Variants in CACNA1A observed in about 807,000 individuals in gnomAD.
CACNA1A encodes the protein calcium voltage-gated channel subunit alpha1 A.
CACNA1A carries 57 observed loss-of-function variants against 262.4 expected under a neutral mutation model. That is an observed-to-expected ratio of 0.22 (90% CI 0.18 to 0.27). The LOEUF is 0.27. Among genes scored for constraint, CACNA1A ranks in the 10% least tolerant of loss-of-function variants. The pLI is 1.00. For synonymous variants in CACNA1A, 1,431 were observed against 1,419.3 expected (o/e 1.01, Z -0.18); for missense variants, 2,526 against 3,562.8 (o/e 0.71, Z 7.41).
chr19:13,299,446 A>G, intron 18 of CACNA1A, 93 bp from the exon 19 acceptor site: 1 of 1,006,502 alleles, frequency 9.9e-7, no homozygotes, highest in Non-Finnish European at 1.5e-6. Context: ...TCAGCCTCCC[A>G]CTCCTGCTCT....
chr19:13,230,278 G>A, intron 35 of CACNA1A, 69 bp from the exon 36 acceptor site: 2 of 1,560,464 alleles, frequency 1.3e-6, no homozygotes, highest in Non-Finnish European at 1.8e-6. Flanking sequence ...TGAGTGAGAA[G>A]GATACAGACA....
At chr19:13,440,913 C>T (rs148884520) in intron 3 of CACNA1A, among the ~76,000 whole-genome samples, 4 of 152,336 alleles carry the variant, frequency 2.6e-5, no homozygotes, top group Admixed American at 1.3e-4. Flanking sequence ...TCAAGTGATT[C>T]TCCCACCTCA....
At chr19:13,410,133 A>G (rs1183220925) in intron 3 of CACNA1A, among the ~76,000 whole-genome samples, 2 of 152,028 alleles carry the variant, frequency 1.3e-5, no homozygotes, top group African/African-American at 4.8e-5. Context: ...TCGTCCACCA[A>G]GAGATGTCCT....
At chr19:13,394,719 C>T (rs963800182) in intron 3 of CACNA1A, among the ~76,000 whole-genome samples, 5 of 152,154 alleles carry the variant, frequency 3.3e-5, no homozygotes, top group Non-Finnish European at 7.3e-5. Flanking sequence ...GATAAGCAAA[C>T]TGTTGGGGCT....
chr19:13,391,638 G>A (rs1365415613), intron 3 of CACNA1A, among the ~76,000 whole-genome samples: 1 of 152,040 alleles, frequency 6.6e-6, no homozygotes, highest in Non-Finnish European at 1.5e-5. Context: ...GGCTCACATC[G>A]GTAGTCCTAG....
At chr19:13,315,049 T>C (rs554232484) in intron 11 of CACNA1A, among the ~76,000 whole-genome samples, 25 of 152,282 alleles carry the variant, frequency 1.6e-4, no homozygotes, top group African/African-American at 6.0e-4. Context: ...CTTAGCATTG[T>C]TGCATCTGGA....
chr19:13,240,556 TGCATAGTGA>T (rs775824249), intron 31 of CACNA1A, among the ~76,000 whole-genome samples: 162 of 149,380 alleles, frequency 1.1e-3, no homozygotes, highest in Admixed American at 2.5e-3. Flanking sequence ...GTGCAGTGTG[TGCATAGTGA>T]CTGTGTGTCC....
rs142761274 is a variant in CACNA1A, at chr19:13,382,864, G to T, written c.540-11085C>A. ...CATCAAATCCTCCCTGCATCCCAGC[G>T]GTTGGCAGTTTGAGGCCCATTTTAC... On this transcript the variant is annotated intron_variant, in intron 3 of 46. Transcript: ENST00000360228. 1.9e-3 allele frequency among the ~76,000 whole-genome samples: 294 copies of T among 152,270 alleles called. 2 individuals are homozygous for T. The highest frequency in any genetic ancestry group is 3.4e-3 in the Middle Eastern group (1 of 294).
intron 6 of CACNA1A, among the ~76,000 whole-genome samples, chr19:13,345,318 C>A (rs915067241): frequency 6.6e-6 from 1 of 152,094 alleles, no homozygotes; most frequent in Non-Finnish European, 1.5e-5. Context: ...TGGGACTAGA[C>A]CCGTCATTCT....
intron 1 of CACNA1A, among the ~76,000 whole-genome samples, chr19:13,465,517 C>T (rs1001141250): frequency 5.9e-5 from 9 of 152,156 alleles, no homozygotes; most frequent in Admixed American, 1.3e-4. Context: ...TAGGGTCTCA[C>T]TCTGTTGCCT....
At chr19:13,356,149 T>C (rs1470870247) in intron 6 of CACNA1A, among the ~76,000 whole-genome samples, 1 of 152,192 alleles carries the variant, frequency 6.6e-6, no homozygotes, top group African/African-American at 2.4e-5. Context: ...CTCACTCCAC[T>C]TCCTCAGGCA....
At chr19:13,395,296 GA>G (rs1411878196) in intron 3 of CACNA1A, among the ~76,000 whole-genome samples, 2 of 132,766 alleles carry the variant, frequency 1.5e-5, no homozygotes, top group Non-Finnish European at 1.6e-5. Context: ...AAAAAGAAAA[GA>G]AAAAGAAAAA....
chr19:13,285,029 C>G (rs377459667), intron 21 of CACNA1A, 39 bp downstream of exon 21: 7 of 1,612,106 alleles, frequency 4.3e-6, no homozygotes, highest in African/African-American at 1.3e-5. Context: ...CTGGTGGGAG[C>G]CCCAGGCCCC....
rs745747852 is a variant in CACNA1A at position 13,259,330 on chromosome 19, TTTTTTTTTTTTTG to T, written c.4388+221_4388+233del. ...CTGGCAGCTTTTTTTTTTTTTTTTT[TTTTTTTTTTTTTG>T]GGATTTTTAGTAGAAATGGAGTTTT... On this transcript the variant is annotated intron_variant, in intron 27 of 46. Transcript: ENST00000360228. The T allele has an allele frequency of 0.085, 10,736 of 126,882 alleles. 1,074 individuals carry two copies. Among genetic ancestry groups the T allele is most frequent in the East Asian group, 0.37 (1,852 of 5,052 alleles). 7.9% of individuals were successfully genotyped at this position (126,882 alleles called of 1,614,324 possible). A position where few individuals can be genotyped will look rare whatever the true frequency, so the allele number is the denominator to read the frequency against.
Position 13,212,012 on chromosome 19 carries a change from AG to A in CACNA1A, c.6303+90del. The A allele has an allele frequency of 1.2e-6, 1 of 859,888 alleles. No individual in the cohort carries two copies. The highest frequency in any genetic ancestry group is 1.5e-5 in the South Asian group (1 of 65,602). 53.3% of individuals were successfully genotyped at this position (859,888 alleles called of 1,614,324 possible). A position where few individuals can be genotyped will look rare whatever the true frequency, so the allele number is the denominator to read the frequency against. On this transcript the variant is annotated intron_variant, in intron 43 of 46. Transcript: ENST00000360228. This position sits in a 1 kb window ranked among gnomAD's most constrained non-coding sequence, Gnocchi z 5.6. ...CTACCCAGGCCTGAGTCCGGCAGGG[AG>A]GGGATGCACTGGGCTGCTTGTGGGG...
chr19:13,212,305 GTGTGT>G lies in CACNA1A; in HGVS notation c.6189+74_6189+78del. The G allele has an allele frequency of 6.4e-7, 1 of 1,566,420 alleles. No individual in the cohort carries two copies. On this transcript the variant is annotated intron_variant, in intron 42 of 46. Transcript: ENST00000360228. This position sits in a 1 kb window ranked among gnomAD's most constrained non-coding sequence, Gnocchi z 5.6. ...CAGAGGGAGGGAGCTGCAGGTGTGT[GTGTGT>G]GGGGGGCCCAGATCCCTTCCACCTG...
In CACNA1A at chr19:13,219,143, G is replaced by A. The variant is rs183725553; in HGVS notation, c.5732-4535C>T. On this transcript the variant is annotated intron_variant, in intron 38 of 46. Coordinates refer to ENST00000360228, the MANE Select transcript of CACNA1A (RefSeq NM_001127222.2). ...TGCAACCTCTGCCTCCTGGGCTCAA[G>A]TGATTCTCCTACCTTAGCCTTCCAA... 1.6e-3 allele frequency among the ~76,000 whole-genome samples: 246 copies of A among 150,276 alleles called. 3 individuals are homozygous for A. In the Middle Eastern group the frequency reaches 0.017, roughly 10 times the overall value.
At chr19:13,218,234 C>T (rs2055090830) in intron 38 of CACNA1A, among the ~76,000 whole-genome samples, 1 of 151,912 alleles carries the variant, frequency 6.6e-6, no homozygotes, top group Admixed American at 6.6e-5. Context: ...GGGATTACAG[C>T]CGCCCGCCGC....
At chr19:13,261,835 C>A in intron 25 of CACNA1A, 2 of 507,856 alleles carry the variant, frequency 3.9e-6, no homozygotes, top group Non-Finnish European at 3.5e-6. Context: ...AGATGGGATA[C>A]CAGAGATGCT....
Sources: gnomAD v4.1 joint callset for allele counts (sites outside exome capture counted in the v4.1 genomes callset) on GRCh38, gnomAD v4.1.1 for gene constraint, Gnocchi (gnomAD v3.1) non-coding constraint, MANE v1.5 for transcripts, NCBI Gene and HGNC (gene_info 2026-07-23, HGNC 2026-07-21) for gene names.